Variants in HORMAD1 observed in about 807,000 individuals in gnomAD.
HORMAD1 encodes HORMA domain-containing protein 1.
HORMAD1 carries 33 observed loss-of-function variants against 58.2 expected under a neutral mutation model. The observed-to-expected ratio is 0.57, with a 90% CI of 0.43 to 0.76. HORMAD1 has a LOEUF of 0.76. Among genes scored for constraint, HORMAD1 ranks in the 30% least tolerant of loss-of-function variants. HORMAD1 has a pLI of 0.00. For synonymous variants in HORMAD1, 137 were observed against 144.6 expected (o/e 0.95, Z 0.38); for missense variants, 363 against 462.0 (o/e 0.79, Z 1.96).
At chr1:150,720,218 C>T (rs1652208029) in intron 1 of HORMAD1, among the ~76,000 whole-genome samples, 1 of 152,118 alleles carries the variant, frequency 6.6e-6, no homozygotes, top group African/African-American at 2.4e-5. Context: ...GGACTCCAGG[C>T]GTGCCACCAC....
intron 1 of HORMAD1, among the ~76,000 whole-genome samples, chr1:150,720,563 T>C (rs1652219955): frequency 6.6e-6 from 1 of 152,162 alleles, no homozygotes; most frequent in Admixed American, 6.5e-5. Context: ...GCAAACTTCA[T>C]AGAAGAACCT....
rs1302694098 is a variant in HORMAD1 at position 150,706,674 on chromosome 1, G to C, written c.683C>G (p.Thr228Ser). 2 of 1,613,674 alleles carry C rather than the reference G, an allele frequency of 1.2e-6. No individual in the cohort carries two copies. The highest frequency in any genetic ancestry group is 8.5e-7 in the Non-Finnish European group (1 of 1,179,840). ...PFHIFKVKVT[T>S]ERERMENIDS... ...AATATTTTCCATTCGTTCTCTCTCAGTGGTCACTTTTACTTTGAAGATGTG... is the reference window on the plus strand; with the variant it reads ...AATATTTTCCATTCGTTCTCTCTCACTGGTCACTTTTACTTTGAAGATGTG... The change falls in exon 10 of 15, where the codon ACT becomes AGT. Residue 228 changes from threonine (T) to serine (S), a missense_variant. Transcript: ENST00000361824.
intron 8 of HORMAD1, 32 bp from the exon 9 acceptor site, chr1:150,708,439 T>G (rs751547145): frequency 2.7e-6 from 4 of 1,456,032 alleles, no homozygotes; most frequent in Non-Finnish European, 3.7e-6. Flanking sequence ...ATTTATTTTA[T>G]AAAACCTGTG....
At chr1:150,700,262 G>A (rs892141802) in intron 13 of HORMAD1, 79 bp from the exon 14 acceptor site, 7 of 774,764 alleles carry the variant, frequency 9.0e-6, no homozygotes, top group African/African-American at 1.7e-5. Flanking sequence ...CTTATGCAAC[G>A]ATATGCAATA....
chr1:150,699,976 A>G, intron 14 of HORMAD1, 136 bp downstream of exon 14: 1 of 492,714 alleles, frequency 2.0e-6, no homozygotes, highest in Non-Finnish European at 3.6e-6. Flanking sequence ...AACAAAATAT[A>G]TTTAAACAAA....
chr1:150,713,840 G>T, intron 5 of HORMAD1: 1 of 427,734 alleles, frequency 2.3e-6, no homozygotes, highest in Non-Finnish European at 4.2e-6. Flanking sequence ...AAGTTAACAC[G>T]TGTTATTAAT....
intron 13 of HORMAD1, among the ~76,000 whole-genome samples, chr1:150,702,565 T>C (rs1651569036): frequency 6.6e-6 from 1 of 151,812 alleles, no homozygotes; most frequent in African/African-American, 2.4e-5. Context: ...TAAGCAGCCA[T>C]AAAAAGAAAT....
At chr1:150,711,878 T>C (rs1442124975) in intron 5 of HORMAD1, 25 bp from the exon 6 acceptor site, 1 of 1,500,054 alleles carries the variant, frequency 6.7e-7, no homozygotes, top group South Asian at 1.2e-5. Context: ...AGAACAAAAA[T>C]CTTACTTGTA....
At chr1:150,709,407 G>A (rs1651792120) in intron 7 of HORMAD1, among the ~76,000 whole-genome samples, 1 of 152,212 alleles carries the variant, frequency 6.6e-6, no homozygotes, top group Non-Finnish European at 1.5e-5. Flanking sequence ...GGGATCTAGG[G>A]CTGTGCAGGA....
intron 12 of HORMAD1, 103 bp from the exon 13 acceptor site, chr1:150,703,496 C>G: frequency 1.6e-6 from 1 of 631,338 alleles, no homozygotes. Context: ...AATTTAGGGT[C>G]TTGTCAAGTT....
chr1:150,704,697 C>T (rs752611879), intron 10 of HORMAD1, among the ~76,000 whole-genome samples: 2 of 152,102 alleles, frequency 1.3e-5, no homozygotes, highest in Non-Finnish European at 2.9e-5. Context: ...GATCATCCCA[C>T]TGCGCTCCAG....
rs1161684971 is a variant in HORMAD1 at position 150,698,421 on chromosome 1, T to G, written c.*233A>C. ...AATGAACAAAATCAATTTTGAAATT[T>G]TACTTATTACCGAATCAATTATGAC... On this transcript the variant is annotated 3_prime_UTR_variant, in exon 15 of 15. Transcript: ENST00000361824. 1.0e-5 allele frequency: 3 copies of G among 295,288 alleles called. No homozygotes were observed. The highest frequency in any genetic ancestry group is 1.9e-5 in the Non-Finnish European group (3 of 161,120). The allele number at this position is 295,288 out of a possible 1,614,324, so 18.3% of individuals were successfully genotyped here. A position where few individuals can be genotyped will look rare whatever the true frequency, so the allele number is the denominator to read the frequency against.
intron 7 of HORMAD1, among the ~76,000 whole-genome samples, chr1:150,710,906 C>T (rs587599185): frequency 6.6e-6 from 1 of 152,304 alleles, no homozygotes; most frequent in Non-Finnish European, 1.5e-5. Flanking sequence ...CCTGGTTCTG[C>T]CACTTCAGCC....
rs370183126 is a variant in HORMAD1, at chr1:150,705,739, G to C, written c.804+814C>G. ...AAGCAAGACTGGGATTTAGGTCTTA[G>C]AAAAAAGTTTTTTTCTTTAACTGAA... On this transcript the variant is annotated intron_variant, in intron 10 of 14. Transcript: ENST00000361824. Among the ~76,000 whole-genome samples, 11 of 152,230 alleles carry C rather than the reference G, an allele frequency of 7.2e-5. No individual in the cohort carries two copies. In the East Asian group the frequency reaches 2.1e-3, roughly 29 times the overall value.
chr1:150,707,572 T>A (rs1651732589), intron 9 of HORMAD1, among the ~76,000 whole-genome samples: 1 of 152,224 alleles, frequency 6.6e-6, no homozygotes, highest in Non-Finnish European at 1.5e-5. Flanking sequence ...TAGTGTGCAT[T>A]TAAAATTTTG....
At chr1:150,715,681 A>G (rs980353056) in intron 3 of HORMAD1, among the ~76,000 whole-genome samples, 9 of 152,120 alleles carry the variant, frequency 5.9e-5, no homozygotes, top group African/African-American at 2.2e-4. Context: ...CTCCTGCCTC[A>G]GCCTCCCAAA....
intron 9 of HORMAD1, 138 bp from the exon 10 acceptor site, chr1:150,706,947 G>T: frequency 1.5e-6 from 1 of 656,294 alleles, no homozygotes; most frequent in Non-Finnish European, 2.4e-6. Flanking sequence ...TTACTCTCCT[G>T]CTATGTCCAA....
chr1:150,706,708 T>C lies in HORMAD1; in HGVS notation c.649A>G (p.Thr217Ala). 1 of 1,613,888 alleles carries C rather than the reference T, an allele frequency of 6.2e-7. No homozygotes were observed. Among genetic ancestry groups the C allele is most frequent in the Non-Finnish European group, 8.5e-7 (1 of 1,179,834 alleles). Reference protein sequence around the residue: ...PMYLNVGEVSTPFHIFKVKVT... With the variant: ...PMYLNVGEVSAPFHIFKVKVT... ...TTTACTTTGAAGATGTGAAAAGGTGTTGAGACTTCTCCCACATTTAAATAC... is the reference window on the plus strand; with the variant it reads ...TTTACTTTGAAGATGTGAAAAGGTGCTGAGACTTCTCCCACATTTAAATAC... The change falls in exon 10 of 15, where the codon ACA (threonine) becomes GCA (alanine). Residue 217 changes from threonine (T) to alanine (A), a missense_variant. Transcript: ENST00000361824.
At chr1:150,716,787 C>T (rs1181682052) in intron 3 of HORMAD1, among the ~76,000 whole-genome samples, 1 of 149,150 alleles carries the variant, frequency 6.7e-6, no homozygotes, top group Non-Finnish European at 1.5e-5. Context: ...CACGGTGAAA[C>T]CCCGTCTCTA....
Sources: allele counts gnomAD v4.1 joint callset (sites outside exome capture counted in the v4.1 genomes callset), GRCh38; gene constraint gnomAD v4.1.1; transcripts MANE v1.5; gene names NCBI Gene and HGNC (gene_info 2026-07-23, HGNC 2026-07-21).